SCTR: variants seen among roughly 807,000 people sequenced by gnomAD.
SCTR encodes the protein secretin receptor.
A neutral mutation model predicts 60.8 loss-of-function variants in SCTR; 56 were observed. The ratio of observed to expected loss-of-function variants is 0.92; its 90% CI spans 0.74 to 1.15. The LOEUF is 1.15. Among genes scored for constraint, SCTR ranks in the 50% most tolerant of loss-of-function variants. The pLI is 0.00. For missense variants in SCTR, 562 were observed against 550.4 expected (o/e 1.02, Z -0.21); for synonymous variants, 202 against 217.0 (o/e 0.93, Z 0.61).
intron 9 of SCTR, among the ~76,000 whole-genome samples, chr2:119,449,506 G>T (rs1192595410): frequency 6.6e-6 from 1 of 152,038 alleles, no homozygotes; most frequent in Admixed American, 6.6e-5. Flanking sequence ...CTAGTTATCT[G>T]CCAATTCAAT....
At chr2:119,503,806 A>G (rs1337590272) in intron 1 of SCTR, among the ~76,000 whole-genome samples, 1 of 152,222 alleles carries the variant, frequency 6.6e-6, no homozygotes, top group Non-Finnish European at 1.5e-5. Context: ...AGTTAGTAAT[A>G]TTGTATCAAC....
At chr2:119,479,057 C>T in intron 2 of SCTR, 139 bp from the exon 3 acceptor site, 1 of 1,478,742 alleles carries the variant, frequency 6.8e-7, no homozygotes, top group East Asian at 2.5e-5. Flanking sequence ...GTGCTGACTC[C>T]TCAGGATCAG....
intron 1 of SCTR, among the ~76,000 whole-genome samples, chr2:119,502,037 C>T (rs1486653229): frequency 6.6e-6 from 1 of 152,176 alleles, no homozygotes; most frequent in African/African-American, 2.4e-5. Flanking sequence ...AGGTGGATTG[C>T]TTGAATCCAG....
intron 1 of SCTR, among the ~76,000 whole-genome samples, chr2:119,514,100 G>T (rs1679039119): frequency 1.3e-5 from 2 of 152,162 alleles, no homozygotes; most frequent in Non-Finnish European, 2.9e-5. Context: ...TTCACCTCTT[G>T]CTTGACAATT....
At chr2:119,451,923 C>A in intron 9 of SCTR, 87 bp downstream of exon 9, 1 of 828,494 alleles carries the variant, frequency 1.2e-6, no homozygotes. Flanking sequence ...GCAGGGAGCC[C>A]TGTCCTTCCA....
chr2:119,514,167 G>A (rs1679041122), intron 1 of SCTR, among the ~76,000 whole-genome samples: 1 of 152,192 alleles, frequency 6.6e-6, no homozygotes, highest in South Asian at 2.1e-4. Context: ...TGGTAGACAT[G>A]TTTTGAGGTG....
intron 1 of SCTR, among the ~76,000 whole-genome samples, chr2:119,519,825 AAAG>A (rs140628085): frequency 0.22 from 18,938 of 88,040 alleles, 2,241 homozygotes; most frequent in East Asian, 0.61. Context: ...AAAAAAAAAA[AAAG>A]AAAAAAAGAA....
intron 9 of SCTR, among the ~76,000 whole-genome samples, chr2:119,450,137 GAAGGAAGC>G (rs1318877027): frequency 0.023 from 3,388 of 150,086 alleles, 115 homozygotes; most frequent in African/African-American, 0.079. Flanking sequence ...AGGAAGGAAG[GAAGGAAGC>G]AAGGAAGCAA....
chr2:119,478,648 C>T (rs1677447694), intron 3 of SCTR, among the ~76,000 whole-genome samples, 163 bp downstream of exon 3: 1 of 152,190 alleles, frequency 6.6e-6, no homozygotes, highest in African/African-American at 2.4e-5. Flanking sequence ...GTCCACCCCA[C>T]ATTCCCAAGC....
chr2:119,482,911 C>T (rs1277519362), intron 2 of SCTR, among the ~76,000 whole-genome samples: 6 of 152,248 alleles, frequency 3.9e-5, no homozygotes, highest in African/African-American at 1.4e-4. Flanking sequence ...CAGGATGCCT[C>T]GTTTCAAGTT....
At chr2:119,521,414 G>C (rs1484361104) in intron 1 of SCTR, among the ~76,000 whole-genome samples, 1 of 152,120 alleles carries the variant, frequency 6.6e-6, no homozygotes, top group Non-Finnish European at 1.5e-5. Context: ...AGATGAACAA[G>C]ATGAGTCTCC....
intron 10 of SCTR, among the ~76,000 whole-genome samples, chr2:119,448,055 A>T (rs952484776): frequency 1.3e-5 from 2 of 152,180 alleles, no homozygotes; most frequent in African/African-American, 2.4e-5. Flanking sequence ...TGGTGTCCTT[A>T]GAAGAGGAAA....
chr2:119,507,181 T>C (rs1431709845), intron 1 of SCTR, among the ~76,000 whole-genome samples: 2 of 152,218 alleles, frequency 1.3e-5, no homozygotes, highest in Non-Finnish European at 2.9e-5. Flanking sequence ...CAGGATATGT[T>C]CAGGCATTAC....
intron 1 of SCTR, among the ~76,000 whole-genome samples, chr2:119,522,672 G>C (rs1466351061): frequency 6.6e-6 from 1 of 152,194 alleles, no homozygotes; most frequent in Non-Finnish European, 1.5e-5. Context: ...CTGCACTCGA[G>C]GTACCAGTTA....
chr2:119,461,861 A>C lies in SCTR; in HGVS notation c.776T>G (p.Val259Gly), dbSNP rs141344392. The change falls in exon 7 of 13, where the codon GTG (valine) becomes GGG (glycine). Residue 259 changes from valine to glycine, a missense_variant. By Grantham distance (109) the Val-to-Gly change is moderately radical. Coordinates refer to ENST00000019103, the MANE Select transcript of SCTR (RefSeq NM_002980.3). ...GAGAAACATACCCCATCCGAATGCC[A>C]CAAATCCCTGGAGGTACTTTCTTTC... is the stretch of plus-strand genomic sequence containing the variant. Reference protein sequence around the residue: ...FSERKYLQGFVAFGWGSPAIF... With the variant: ...FSERKYLQGFGAFGWGSPAIF... 2 of 1,613,608 alleles carry C rather than the reference A, an allele frequency of 1.2e-6. No homozygotes were observed. The highest frequency in any genetic ancestry group is 1.7e-6 in the Non-Finnish European group (2 of 1,179,784).
At chr2:119,476,460 C>A (rs1162273002) in intron 3 of SCTR, 1 of 152,264 alleles carries the variant, frequency 6.6e-6, no homozygotes, top group Admixed American at 6.5e-5. Flanking sequence ...GGCACAGGAC[C>A]CCAGCTTCCA....
intron 3 of SCTR, among the ~76,000 whole-genome samples, chr2:119,477,373 G>A (rs1375825825): frequency 2.0e-5 from 3 of 152,178 alleles, no homozygotes; most frequent in African/African-American, 7.2e-5. Flanking sequence ...GTGGGGTGCT[G>A]GGGTCACCGT....
At chr2:119,444,123 G>GTA (rs1165383028) in intron 11 of SCTR, among the ~76,000 whole-genome samples, 3 of 147,584 alleles carry the variant, frequency 2.0e-5, no homozygotes, top group African/African-American at 7.5e-5. Flanking sequence ...TCATGTGTGT[G>GTA]TATATATAAG....
intron 1 of SCTR, among the ~76,000 whole-genome samples, chr2:119,505,177 TG>T (rs1678693558): frequency 6.6e-6 from 1 of 152,160 alleles, no homozygotes; most frequent in African/African-American, 2.4e-5. Flanking sequence ...ATCCCATTAC[TG>T]GGTATATACT....
Sources: gnomAD v4.1 joint callset for allele counts (sites outside exome capture counted in the v4.1 genomes callset) on GRCh38, gnomAD v4.1.1 for gene constraint, MANE v1.5 for transcripts, NCBI Gene and HGNC (gene_info 2026-07-23, HGNC 2026-07-21) for gene names.